The following PAK3 variants were observed in gnomAD, a reference collection of about 807,000 sequenced individuals.
PAK3 encodes p21 (RAC1) activated kinase 3, also known as serine/threonine-protein kinase PAK 3.
A neutral mutation model predicts 41.0 loss-of-function variants in PAK3; 4 were observed. That is an observed-to-expected ratio of 0.10 (90% CI 0.05 to 0.22). The LOEUF (loss-of-function observed/expected upper bound fraction) is 0.22. PAK3 is among the 10% of genes least tolerant of loss of function. PAK3 has a pLI of 1.00. For missense variants in PAK3, 205 were observed against 409.9 expected (o/e 0.50, Z 4.32); for synonymous variants, 146 against 139.6 (o/e 1.05, Z -0.32).
At chrX:111,203,477 T>A (rs548904231) in intron 16 of PAK3, among the ~76,000 whole-genome samples, 2 of 111,621 alleles carry the variant, frequency 1.8e-5, no homozygotes, top group African/African-American at 6.5e-5. Context: ...AATAAACCCA[T>A]CAGTCTGACT....
At chrX:111,096,714 C>A (rs1171953058) in intron 1 of PAK3, 1 of 110,421 alleles carries the variant, frequency 9.1e-6, no homozygotes, top group Non-Finnish European at 1.9e-5. Context: ...GAGGCAAAAC[C>A]CGCCTTGAAA....
At chrX:110,953,095 A>G (rs2090779026) in intron 1 of PAK3, among the ~76,000 whole-genome samples, 1 of 112,143 alleles carries the variant, frequency 8.9e-6, no homozygotes, top group Non-Finnish European at 1.9e-5. Flanking sequence ...GGAAATTGTC[A>G]TGTTTTTCTT....
At chrX:111,019,041 C>T (rs1450154845) in intron 1 of PAK3, among the ~76,000 whole-genome samples, 2 of 110,888 alleles carry the variant, frequency 1.8e-5, no homozygotes, top group African/African-American at 6.6e-5. Flanking sequence ...TGGATATCCA[C>T]ATGCAAAGGA....
chrX:111,192,340 G>GA (rs771111409), intron 12 of PAK3, among the ~76,000 whole-genome samples, 165 bp downstream of exon 12: 17 of 95,306 alleles, frequency 1.8e-4, no homozygotes, highest in African/African-American at 9.2e-4. Flanking sequence ...GTTTACCCAT[G>GA]ATAACCAAAA....
At chrX:111,053,325 C>T (rs911916196) in intron 1 of PAK3, among the ~76,000 whole-genome samples, 1 of 111,251 alleles carries the variant, frequency 9.0e-6, no homozygotes, top group Non-Finnish European at 1.9e-5. Flanking sequence ...AGTGTCAGTG[C>T]AAATGGGGAA....
chrX:111,150,165 C>A lies in PAK3; in HGVS notation c.431-2245C>A, dbSNP rs750577116. Among the ~76,000 whole-genome samples the A allele has an allele frequency of 2.2e-3, 247 of 111,906 alleles. 1 individual carries two copies. The highest frequency in any genetic ancestry group is 3.4e-3 in the Non-Finnish European group (181 of 53,219). On this transcript the variant is annotated intron_variant, in intron 7 of 17. Coordinates refer to ENST00000372007, the MANE Select transcript of PAK3 (RefSeq NM_002578.5). ...CAAGAGTCACCTTTGCTCCAGTTCCCAAAAGTTCCTCATCCTCCATCTGAG... is the reference window on the plus strand; with the variant it reads ...CAAGAGTCACCTTTGCTCCAGTTCCAAAAAGTTCCTCATCCTCCATCTGAG...
chrX:111,057,839 C>G (rs189017246), intron 1 of PAK3, among the ~76,000 whole-genome samples: 19 of 111,816 alleles, frequency 1.7e-4, no homozygotes, highest in Non-Finnish European at 3.2e-4. Context: ...TCCCCGCTCT[C>G]CCCTACTCCT....
chrX:111,169,429 A>G (rs113440890), intron 10 of PAK3: 6,452 of 124,011 alleles, frequency 0.052, 161 homozygotes, highest in Middle Eastern at 0.15. Context: ...TCTAATTCTT[A>G]CAAGTCAAAG....
chrX:111,220,040 A>G (rs1335153903), intron 17 of PAK3, among the ~76,000 whole-genome samples: 1 of 111,521 alleles, frequency 9.0e-6, no homozygotes, highest in African/African-American at 3.3e-5. Flanking sequence ...AACTAAATAT[A>G]CTTTTTCCAA....
At chrX:111,019,251 T>C (rs1333453667) in intron 1 of PAK3, among the ~76,000 whole-genome samples, 1 of 111,370 alleles carries the variant, frequency 9.0e-6, no homozygotes, top group Non-Finnish European at 1.9e-5. Flanking sequence ...TGGATGTCAT[T>C]AAAATTAAAA....
chrX:111,198,232 G>A (rs976873051), intron 16 of PAK3, among the ~76,000 whole-genome samples: 13 of 111,932 alleles, frequency 1.2e-4, no homozygotes, highest in Non-Finnish European at 2.1e-4. Context: ...TTAGATCTTC[G>A]TCAGATGCAT....
At chrX:110,983,695 A>T in intron 1 of PAK3, among the ~76,000 whole-genome samples, 1 of 111,753 alleles carries the variant, frequency 8.9e-6, no homozygotes, top group South Asian at 3.8e-4. Context: ...CCCACGCATA[A>T]AGTGCTTTAA....
In PAK3 at chrX:111,188,235, A is replaced by G. The variant is rs944079886; in HGVS notation, c.831-3892A>G. Among the ~76,000 whole-genome samples the G allele has an allele frequency of 5.5e-5, 6 of 109,567 alleles. No homozygotes were observed. In the Admixed American group the frequency reaches 5.9e-4, roughly 11 times the overall value. On this transcript the variant is annotated intron_variant, in intron 11 of 17. Coordinates refer to ENST00000372007, the MANE Select transcript of PAK3 (RefSeq NM_002578.5). Reference sequence around the variant, plus strand: ...AACAAAACCCACGAATTTGAAAGGTAAAGCTCTGAAAATGTTAAACATGAA... The same window carrying G: ...AACAAAACCCACGAATTTGAAAGGTGAAGCTCTGAAAATGTTAAACATGAA...
chrX:111,127,010 T>A (rs2093657162), intron 5 of PAK3, among the ~76,000 whole-genome samples: 1 of 111,392 alleles, frequency 9.0e-6, no homozygotes, highest in East Asian at 2.8e-4. Context: ...CCACCCATAA[T>A]CACAAATCCC....
At chrX:111,012,722 A>G (rs1211832519) in intron 1 of PAK3, among the ~76,000 whole-genome samples, 2 of 112,366 alleles carry the variant, frequency 1.8e-5, no homozygotes, top group Non-Finnish European at 3.8e-5. Context: ...TGGTGGGTAC[A>G]TGGGGGTTCA....
At chrX:111,169,263 T>C in intron 10 of PAK3, 1 of 249,980 alleles carries the variant, frequency 4.0e-6, no homozygotes, top group Non-Finnish European at 7.4e-6. Context: ...AGATGACTGT[T>C]TAGTACAGAG....
chrX:111,030,321 G>T (rs2092325512), intron 1 of PAK3, among the ~76,000 whole-genome samples: 1 of 110,714 alleles, frequency 9.0e-6, no homozygotes, highest in African/African-American at 3.3e-5. Flanking sequence ...TGATGTATGA[G>T]AATTATTGGG....
At chrX:111,116,813 G>A (rs1262610996) in intron 4 of PAK3, among the ~76,000 whole-genome samples, 5 of 112,416 alleles carry the variant, frequency 4.4e-5, no homozygotes, top group African/African-American at 9.7e-5. Flanking sequence ...TATGTCAGCA[G>A]TGAGCTATCT....
At chrX:111,176,931 G>T (rs1331009890) in intron 11 of PAK3, among the ~76,000 whole-genome samples, 2 of 93,994 alleles carry the variant, frequency 2.1e-5, no homozygotes, top group South Asian at 5.6e-4. Context: ...AATTATTAAA[G>T]TAAAGCAAAA....
Sources: gnomAD v4.1 joint callset for allele counts (sites outside exome capture counted in the v4.1 genomes callset) on GRCh38, gnomAD v4.1.1 for gene constraint, MANE v1.5 for transcripts, NCBI Gene and HGNC (gene_info 2026-07-23, HGNC 2026-07-21) for gene names.